The following EIF3B variants were observed in gnomAD, a reference collection of about 807,000 sequenced individuals.
The protein encoded by EIF3B is eukaryotic translation initiation factor 3 subunit B, also known as eukaryotic translation initiation factor 3 subunit 9.
EIF3B carries 10 observed loss-of-function variants against 104.6 expected under a neutral mutation model. The observed-to-expected ratio is 0.10, with a 90% CI of 0.06 to 0.16. The LOEUF is 0.16. Among genes scored for constraint, EIF3B ranks in the 10% least tolerant of loss-of-function variants. The pLI is 1.00. For synonymous variants in EIF3B, 542 were observed against 417.2 expected (o/e 1.30, Z -3.65); for missense variants, 1,014 against 1,087.9 (o/e 0.93, Z 0.96).
rs1404341743 is a variant in EIF3B at position 2,355,092 on chromosome 7, C to A, written c.171C>A (p.Ile57=). The change falls in exon 1 of 19, where the codon ATC becomes ATA. Residue 57 remains isoleucine (I), a synonymous_variant. Transcript: ENST00000360876. ...AGGCCTCCAGTGAGGAGGTGGGGAT[C>A]GCGGAGGCCGGGCCGGAGTCCGAGG... ...GTEASSEEVG[I]AEAGPESEVR... is the part of the protein sequence containing the mutation. The A allele has an allele frequency of 3.0e-6, 4 of 1,336,886 alleles. No homozygotes were observed. In the East Asian group the frequency reaches 9.4e-5, roughly 32 times the overall value. 82.8% of individuals were successfully genotyped at this position (1,336,886 alleles called of 1,614,324 possible). A position where few individuals can be genotyped will look rare whatever the true frequency, so the allele number is the denominator to read the frequency against.
intron 3 of EIF3B, 39 bp from the exon 4 acceptor site, chr7:2,363,031 G>T (rs180735621): frequency 1.2e-6 from 2 of 1,611,034 alleles, no homozygotes; most frequent in Non-Finnish European, 1.7e-6. Context: ...CTTTCTAGTC[G>T]TCAGGGCGTG....
chr7:2,361,727 C>A (rs1779739317), intron 2 of EIF3B, among the ~76,000 whole-genome samples: 1 of 151,862 alleles, frequency 6.6e-6, no homozygotes, highest in African/African-American at 2.4e-5. Context: ...CCTCTCTGAG[C>A]TTCTTTCTAA....
At chr7:2,361,001 C>T in intron 2 of EIF3B, 99 bp downstream of exon 2, 1 of 1,018,858 alleles carries the variant, frequency 9.8e-7, no homozygotes, top group Non-Finnish European at 1.4e-6. Context: ...CTGCCTTGCC[C>T]AGGCACGTGG....
intron 5 of EIF3B, 40 bp downstream of exon 5, chr7:2,363,800 C>G: frequency 6.3e-7 from 1 of 1,585,458 alleles, no homozygotes; most frequent in East Asian, 2.2e-5. Context: ...ACTCACCTCT[C>G]CTGTATTTCC....
intron 1 of EIF3B, among the ~76,000 whole-genome samples, chr7:2,355,623 C>G (rs978338320): frequency 6.6e-6 from 1 of 151,760 alleles, no homozygotes; most frequent in Admixed American, 6.6e-5. Context: ...CTTTTCTTTC[C>G]TGAAAAAGGG....
rs1044053146 is a variant in EIF3B at position 2,354,844 on chromosome 7, G to A, written c.-78G>A. The A allele has an allele frequency of 1.9e-6, 2 of 1,052,964 alleles. No homozygotes were observed. The highest frequency in any genetic ancestry group is 2.3e-6 in the Non-Finnish European group (2 of 873,386). 65.2% of individuals were successfully genotyped at this position (1,052,964 alleles called of 1,614,324 possible). On this transcript the variant is annotated 5_prime_UTR_variant, in exon 1 of 19. Coordinates refer to ENST00000360876, the MANE Select transcript of EIF3B (RefSeq NM_001037283.2). ...GCACGCACATGGCTGGGCTGTAGCC[G>A]TCGCGGCGCGCGGTGCGGCCTGGGA...
intron 3 of EIF3B, 95 bp from the exon 4 acceptor site, chr7:2,362,975 C>G: frequency 1.3e-6 from 2 of 1,502,684 alleles, no homozygotes. Context: ...TGGGGGCGGG[C>G]AGGCAGGAGC....
At position 2,364,420 on chromosome 7, in the gene EIF3B, G is replaced by T. The variant is rs1416183812; in HGVS notation, c.1048G>T (p.Ala350Ser). Residue 350 changes from alanine to serine, a missense_variant, in exon 6 of 19, where the codon GCT becomes TCT. This residue lies in a region of EIF3B where 201 missense variants were observed against 240.7 expected (regional missense o/e 0.83). Transcript: ENST00000360876. Reference protein sequence around the residue: ...VRWSPKGTYLATFHQRGIALW... With the variant: ...VRWSPKGTYLSTFHQRGIALW... ...TTGGTCTCCTAAGGGCACCTACCTG[G>T]CTACCTTTCATCAAAGAGGCATTGC... 1 of 1,612,996 alleles carries T rather than the reference G, an allele frequency of 6.2e-7. No individual in the cohort carries two copies. Among genetic ancestry groups the T allele is most frequent in the Non-Finnish European group, 8.5e-7 (1 of 1,179,612 alleles).
At chr7:2,379,756 G>A in intron 18 of EIF3B, 1 of 496,356 alleles carries the variant, frequency 2.0e-6, no homozygotes, top group Non-Finnish European at 3.7e-6. Flanking sequence ...GAGGAGCTGT[G>A]GCCAGGTGTT....
intron 14 of EIF3B, 143 bp downstream of exon 14, chr7:2,375,670 C>A: frequency 2.4e-6 from 3 of 1,254,556 alleles, no homozygotes; most frequent in South Asian, 1.4e-5. Flanking sequence ...GTGTTAGTGG[C>A]AGGAGGAGGA....
Position 2,379,123 on chromosome 7 carries a change from C to T in EIF3B, c.2233-11C>T, listed in dbSNP as rs1201999762. 2 of 1,612,488 alleles carry T rather than the reference C, an allele frequency of 1.2e-6. No homozygotes were observed. The highest frequency in any genetic ancestry group is 1.7e-6 in the Non-Finnish European group (2 of 1,178,978). ...TTACCAGTTCTGTGCTTTCCCCAAC[C>T]TCATGCATAGGAATTGGTGGAGAGA... On this transcript the variant is annotated splice_polypyrimidine_tract_variant and intron_variant, in intron 16 of 18. Coordinates refer to ENST00000360876, the MANE Select transcript of EIF3B (RefSeq NM_001037283.2).
Position 2,362,627 on chromosome 7 carries a change from C to T in EIF3B, c.693-18C>T, listed in dbSNP as rs755131262. On this transcript the variant is annotated intron_variant, in intron 2 of 18. Coordinates refer to ENST00000360876, the MANE Select transcript of EIF3B (RefSeq NM_001037283.2). ...GCCTTACAGTGTGGGTATGTGCCAACGGCCCTCTCTCACTCAGGTATATTT... is the reference window on the plus strand; with the variant it reads ...GCCTTACAGTGTGGGTATGTGCCAATGGCCCTCTCTCACTCAGGTATATTT... 73 of 1,613,834 alleles carry T rather than the reference C, an allele frequency of 4.5e-5. No individual in the cohort carries two copies. The highest frequency in any genetic ancestry group is 5.9e-5 in the Non-Finnish European group (70 of 1,179,954).
chr7:2,375,406 C>T lies in EIF3B; in HGVS notation c.1907C>T (p.Ala636Val), dbSNP rs759606657. 2.9e-5 allele frequency: 47 copies of T among 1,614,064 alleles called. No homozygotes were observed. Among genetic ancestry groups the T allele is most frequent in the Non-Finnish European group, 3.7e-5 (44 of 1,180,018 alleles). Residue 636 changes from alanine (A) to valine (V), a missense_variant, in exon 14 of 19, where the codon GCG becomes GTG. Physicochemically the swap from Ala to Val is moderately conservative, Grantham distance 64. Transcript: ENST00000360876. ...AGLRSMNGAL[A>V]FVDTSDCTVM... ...CTTTGCAGTATGAACGGTGCCTTAG[C>T]GTTTGTGGACACTTCGGACTGCACG...
chr7:2,354,139 TGTGAAAGCCCGAA>T (rs1779252158), upstream of EIF3B: 1 of 152,232 alleles, frequency 6.6e-6, no homozygotes, highest in Admixed American at 6.5e-5. Flanking sequence ...ACTGAACCAC[TGTGAAAGCCCGAA>T]TGGGGGGAAA....
intron 8 of EIF3B, 63 bp from the exon 9 acceptor site, chr7:2,366,936 A>T (rs1780056905): frequency 1.3e-6 from 2 of 1,519,552 alleles, no homozygotes; most frequent in Admixed American, 1.8e-5. Context: ...GTAAAAAGTT[A>T]GGTGTGTTTC....
rs144113981 is a variant in EIF3B, at chr7:2,360,631, G to A, written c.500-79G>A. The A allele has an allele frequency of 5.1e-4, 590 of 1,156,554 alleles. 3 individuals are homozygous for A. The African/African-American group carries it at 7.8e-3, about 15-fold the overall frequency. 71.6% of individuals were successfully genotyped at this position (1,156,554 alleles called of 1,614,324 possible). On this transcript the variant is annotated intron_variant, in intron 1 of 18. Transcript: ENST00000360876. ...AGACAATTCATTGTCTCTTCTTGAAGACTTGTTTAGTGTGCTCAGTTAATG... is the reference window on the plus strand; with the variant it reads ...AGACAATTCATTGTCTCTTCTTGAAAACTTGTTTAGTGTGCTCAGTTAATG...
chr7:2,365,540 C>T (rs1779963707), intron 6 of EIF3B, among the ~76,000 whole-genome samples: 1 of 152,178 alleles, frequency 6.6e-6, no homozygotes, highest in African/African-American at 2.4e-5. Context: ...TAAGCAGGTG[C>T]AGTAGCTCCA....
chr7:2,377,125 C>A (rs780581323), intron 15 of EIF3B, 50 bp downstream of exon 15: 4 of 1,551,356 alleles, frequency 2.6e-6, no homozygotes, highest in Non-Finnish European at 2.6e-6. Context: ...GCAATTGTGG[C>A]GTTGAAAAGG....
intron 16 of EIF3B, 90 bp downstream of exon 16, chr7:2,378,856 A>T (rs1383105145): frequency 1.7e-6 from 2 of 1,176,254 alleles, no homozygotes; most frequent in Middle Eastern, 1.9e-4. Flanking sequence ...GTATGTGCTC[A>T]GAGTTGCCTC....
Sources: allele counts gnomAD v4.1 joint callset (sites outside exome capture counted in the v4.1 genomes callset), GRCh38; gene constraint gnomAD v4.1.1; regional missense constraint gnomAD v4.1.1; transcripts MANE v1.5; gene names NCBI Gene and HGNC (gene_info 2026-07-23, HGNC 2026-07-21).